STAC: variants seen among roughly 807,000 people sequenced by gnomAD.
STAC encodes the protein SH3 and cysteine rich domain.
Under a neutral mutation model 48.8 loss-of-function variants are expected in STAC, and 43 were observed. The ratio of observed to expected loss-of-function variants is 0.88; its 90% confidence interval spans 0.69 to 1.14. The LOEUF (loss-of-function observed/expected upper bound fraction) is 1.14. Ranked by LOEUF, STAC falls within the 50% of genes most tolerant of loss-of-function variation. The pLI is 0.00. For synonymous variants in STAC, 193 were observed against 179.5 expected, an observed-to-expected ratio of 1.07 and a Z score of -0.60; for missense variants, 497 against 504.0, an observed-to-expected ratio of 0.99 and a Z score of 0.13.
intron 2 of STAC, among the ~76,000 whole-genome samples, chr3:36,455,989 A>G (rs1356765850): frequency 6.6e-6 from 1 of 152,182 alleles, no homozygotes; most frequent in African/African-American, 2.4e-5. Flanking sequence ...CCCTGCCTCA[A>G]CAACATTATA....
intron 1 of STAC, among the ~76,000 whole-genome samples, chr3:36,428,876 G>A (rs545248339): frequency 6.6e-6 from 1 of 152,236 alleles, no homozygotes; most frequent in South Asian, 2.1e-4. Flanking sequence ...GTAGTAAAAT[G>A]GTCTGACTTC....
chr3:36,383,477 C>T (rs918792733), intron 1 of STAC, among the ~76,000 whole-genome samples: 2 of 152,212 alleles, frequency 1.3e-5, no homozygotes, highest in African/African-American at 4.8e-5. Context: ...CCACCCTACA[C>T]ATACTGGATC....
chr3:36,494,003 T>A (rs962663072), intron 6 of STAC, among the ~76,000 whole-genome samples: 1 of 150,626 alleles, frequency 6.6e-6, no homozygotes, highest in Non-Finnish European at 1.5e-5. Flanking sequence ...ACAAAAAAAA[T>A]TAGCCGGGCG....
chr3:36,389,859 T>G (rs1699711723), intron 1 of STAC, among the ~76,000 whole-genome samples: 1 of 152,130 alleles, frequency 6.6e-6, no homozygotes, highest in Non-Finnish European at 1.5e-5. Context: ...TCAAGTTAAT[T>G]AGTGTATGTA....
chr3:36,516,806 A>C (rs1245835942), intron 8 of STAC, among the ~76,000 whole-genome samples: 1 of 152,208 alleles, frequency 6.6e-6, no homozygotes, highest in African/African-American at 2.4e-5. Context: ...AATATAAATA[A>C]AATGTGGAAT....
chr3:36,428,749 G>C (rs949263804), intron 1 of STAC, among the ~76,000 whole-genome samples: 11 of 152,280 alleles, frequency 7.2e-5, no homozygotes, highest in African/African-American at 2.4e-4. Context: ...AGGCCAGAGG[G>C]ACTGGTGCAG....
chr3:36,401,120 CT>C (rs1699991570), intron 1 of STAC, among the ~76,000 whole-genome samples: 3 of 152,270 alleles, frequency 2.0e-5, no homozygotes, highest in Admixed American at 2.0e-4. Flanking sequence ...GGAGTCAAGC[CT>C]CTAAAAATGT....
intron 1 of STAC, among the ~76,000 whole-genome samples, chr3:36,441,702 A>G (rs567464410): frequency 2.0e-5 from 3 of 152,198 alleles, no homozygotes; most frequent in Non-Finnish European, 4.4e-5. Flanking sequence ...ACTAGTTTAC[A>G]TTCCCACAAA....
At chr3:36,463,940 C>G (rs1431907261) in intron 2 of STAC, among the ~76,000 whole-genome samples, 1 of 151,992 alleles carries the variant, frequency 6.6e-6, no homozygotes, top group African/African-American at 2.4e-5. Context: ...TGGGTTGGTT[C>G]CAAGTCTTTG....
chr3:36,482,608 T>C (rs975243228), intron 2 of STAC, among the ~76,000 whole-genome samples: 1 of 152,278 alleles, frequency 6.6e-6, no homozygotes, highest in South Asian at 2.1e-4. Context: ...GTTCCTGTGA[T>C]AGAAATACAG....
At chr3:36,451,384 C>T (rs1696675270) in intron 2 of STAC, among the ~76,000 whole-genome samples, 1 of 152,136 alleles carries the variant, frequency 6.6e-6, no homozygotes, top group African/African-American at 2.4e-5. Context: ...AGTATTTCTC[C>T]TTCCTGTTTT....
Position 36,507,670 on chromosome 3 carries a change from A to G in STAC, c.920+1836A>G, listed in dbSNP as rs182046573. Among the ~76,000 whole-genome samples, 380 of 152,152 alleles carry G rather than the reference A, an allele frequency of 2.5e-3. 7 individuals carry two copies. The South Asian group carries it at 0.031, about 12-fold the overall frequency. On this transcript the variant is annotated intron_variant, in intron 8 of 10. Coordinates refer to ENST00000273183, the MANE Select transcript of STAC (RefSeq NM_003149.3). ...GGAGGGTGTATGTGTCCAGGAATTT[A>G]TCCATTTCTTCTAAGTTTTCTAGTT...
chr3:36,421,452 G>T (rs933048677), intron 1 of STAC, among the ~76,000 whole-genome samples: 1 of 152,004 alleles, frequency 6.6e-6, no homozygotes, highest in Non-Finnish European at 1.5e-5. Flanking sequence ...CATACTATGA[G>T]AATTCAATAA....
intron 1 of STAC, among the ~76,000 whole-genome samples, chr3:36,402,225 A>G (rs1700011358): frequency 6.6e-6 from 1 of 152,204 alleles, no homozygotes; most frequent in Non-Finnish European, 1.5e-5. Context: ...TGTAATGAAT[A>G]AGATAATTAG....
At chr3:36,527,898 A>T (rs1466594033) in intron 8 of STAC, among the ~76,000 whole-genome samples, 2 of 152,206 alleles carry the variant, frequency 1.3e-5, no homozygotes, top group African/African-American at 2.4e-5. Flanking sequence ...ACCAGCATAA[A>T]AGATGGCAGA....
At position 36,496,152 on chromosome 3, in the gene STAC, C is replaced by T. The variant is rs544542227; in HGVS notation, c.766+2923C>T. On this transcript the variant is annotated intron_variant, in intron 6 of 10. Transcript: ENST00000273183. ...AAAGAGATCTGGTGAAAGAACTGAGCAAGCAATAAACTCCCAAAAAGTGTT... is the reference window on the plus strand; with the variant it reads ...AAAGAGATCTGGTGAAAGAACTGAGTAAGCAATAAACTCCCAAAAAGTGTT... Among the ~76,000 whole-genome samples the T allele has an allele frequency of 2.0e-5, 3 of 152,312 alleles. No homozygotes were observed. The South Asian group carries it at 6.2e-4, about 32-fold the overall frequency.
At chr3:36,437,205 G>A (rs1282006853) in intron 1 of STAC, among the ~76,000 whole-genome samples, 1 of 150,474 alleles carries the variant, frequency 6.6e-6, no homozygotes, top group African/African-American at 2.4e-5. Context: ...AACCATTGTG[G>A]AAGTCAGTGT....
At chr3:36,515,619 C>T (rs1698652255) in intron 8 of STAC, among the ~76,000 whole-genome samples, 1 of 152,108 alleles carries the variant, frequency 6.6e-6, no homozygotes, top group African/African-American at 2.4e-5. Flanking sequence ...CAGTCAGTTA[C>T]CCATTTGTCT....
chr3:36,493,517 G>A lies in STAC; in HGVS notation c.766+288G>A, dbSNP rs530731937. 6.6e-5 allele frequency among the ~76,000 whole-genome samples: 10 copies of A among 151,986 alleles called. No individual in the cohort carries two copies. The South Asian group carries it at 2.1e-3, about 32-fold the overall frequency. On this transcript the variant is annotated intron_variant, in intron 6 of 10. Coordinates refer to ENST00000273183, the MANE Select transcript of STAC (RefSeq NM_003149.3). ...ATATATATAAACTGAGCTGTATTGGGGTTTAAGAGTCGCTTCCAGAACTTT... is the reference window on the plus strand; with the variant it reads ...ATATATATAAACTGAGCTGTATTGGAGTTTAAGAGTCGCTTCCAGAACTTT...
Sources: allele counts gnomAD v4.1 joint callset (sites outside exome capture counted in the v4.1 genomes callset), GRCh38; gene constraint gnomAD v4.1.1; transcripts MANE v1.5; gene names NCBI Gene and HGNC (gene_info 2026-07-23, HGNC 2026-07-21).